Variants in NFATC2 observed in about 807,000 individuals in gnomAD.
The protein encoded by NFATC2 is nuclear factor of activated T-cells, cytoplasmic 2.
In NFATC2, 22 loss-of-function variants were observed where a neutral mutation model predicts 87.3. The ratio of observed to expected loss-of-function variants is 0.25; its 90% confidence interval spans 0.18 to 0.36. The LOEUF is 0.36. NFATC2 is among the 10% of genes least tolerant of loss of function. The pLI is 1.00. For synonymous variants in NFATC2, 565 were observed against 542.2 expected, an observed-to-expected ratio of 1.04 and a Z score of -0.58; for missense variants, 1,149 against 1,259.1, an observed-to-expected ratio of 0.91 and a Z score of 1.32.
intron 5 of NFATC2, among the ~76,000 whole-genome samples, chr20:51,467,863 A>G (rs766561336): frequency 1.3e-5 from 2 of 152,242 alleles, no homozygotes; most frequent in Non-Finnish European, 2.9e-5. Flanking sequence ...GGACTTGAGT[A>G]GGAATGTGCA....
chr20:51,542,753 G>GGAT, upstream of NFATC2: 1 of 567,128 alleles, frequency 1.8e-6, no homozygotes, highest in Non-Finnish European at 2.1e-6. Flanking sequence ...GGGAGGCGGG[G>GGAT]GGGGGGGGGG....
chr20:51,417,212 G>T (rs80061869), intron 9 of NFATC2, among the ~76,000 whole-genome samples: 13 of 152,178 alleles, frequency 8.5e-5, no homozygotes, highest in Non-Finnish European at 1.5e-4. Flanking sequence ...GCCCAGTAAG[G>T]GGGAGGGATC....
chr20:51,448,638 C>G (rs1222382099), intron 6 of NFATC2, among the ~76,000 whole-genome samples: 1 of 151,802 alleles, frequency 6.6e-6, no homozygotes, highest in Non-Finnish European at 1.5e-5. Flanking sequence ...GGCGACAGAG[C>G]AAAACTCCGT....
rs2076842163 is a variant in NFATC2, at chr20:51,542,716, T to C, written c.-217A>G. The C allele has an allele frequency of 1.0e-6, 1 of 962,080 alleles. No homozygotes were observed. The allele number at this position is 962,080 out of a possible 1,614,324, so 59.6% of individuals were successfully genotyped here. Reference sequence around the variant, plus strand: ...GGCGGCGACGGCGGCGCGAGCTTCCTGCTCCGGAGGCACCTGTTGCAGCCC... The same window carrying C: ...GGCGGCGACGGCGGCGCGAGCTTCCCGCTCCGGAGGCACCTGTTGCAGCCC... On this transcript the variant is annotated 5_prime_UTR_variant, in exon 1 of 11. Coordinates refer to ENST00000371564, the MANE Select transcript of NFATC2 (RefSeq NM_012340.5).
intron 3 of NFATC2, among the ~76,000 whole-genome samples, chr20:51,491,877 T>TACAC (rs33936990): frequency 0.039 from 2,221 of 57,156 alleles, 30 homozygotes; most frequent in East Asian, 0.075. Flanking sequence ...CACATACACA[T>TACAC]ACACACACAC....
intron 3 of NFATC2, 84 bp from the exon 4 acceptor site, chr20:51,475,744 G>A: frequency 5.3e-6 from 7 of 1,319,884 alleles, no homozygotes; most frequent in Non-Finnish European, 6.3e-6. Context: ...GAGAGCTCAT[G>A]GGCAGTAGAG....
chr20:51,484,266 C>T (rs1330634846), intron 3 of NFATC2, among the ~76,000 whole-genome samples: 1 of 152,102 alleles, frequency 6.6e-6, no homozygotes, highest in African/African-American at 2.4e-5. Context: ...TTCATTGGAA[C>T]CTGTCCTCAG....
chr20:51,545,658 G>C (rs745902490), upstream of NFATC2, among the ~76,000 whole-genome samples: 2 of 151,938 alleles, frequency 1.3e-5, no homozygotes, highest in African/African-American at 2.4e-5. Flanking sequence ...TGGGTGAATG[G>C]AAGATGGATG....
intron 9 of NFATC2, among the ~76,000 whole-genome samples, chr20:51,404,314 C>T (rs1988345548): frequency 6.6e-6 from 1 of 152,192 alleles, no homozygotes; most frequent in South Asian, 2.1e-4. Flanking sequence ...AAATCCTAAC[C>T]CTTTCTGTGC....
At position 51,432,643 on chromosome 20, in the gene NFATC2, C is replaced by A; in HGVS notation, c.2146G>T (p.Glu716Ter). The A allele has an allele frequency of 6.5e-7, 1 of 1,538,778 alleles. No homozygotes were observed. The highest frequency in any genetic ancestry group is 8.7e-7 in the Non-Finnish European group (1 of 1,146,650). Residue 716 changes from glutamate to a stop codon, truncating the protein, a stop_gained, in exon 9 of 11, where the codon GAG (glutamate) becomes TAG (stop). Coordinates refer to ENST00000371564, the MANE Select transcript of NFATC2 (RefSeq NM_012340.5). LOFTEE classifies it high-confidence loss of function. The surrounding 1 kb of genome is among the most constrained non-coding windows in gnomAD (Gnocchi z 4.6). Reference protein sequence around the residue: ...PYYPQHPMVAESPSCLVATMA... With the variant: ...PYYPQHPMVA ...GTGGCCACGAGGCAGGAGGGGGACT[C>A]GGCCACCATCGGGTGCTGGGGGTAG...
chr20:51,450,225 C>T (rs1324391536), intron 6 of NFATC2, among the ~76,000 whole-genome samples: 1 of 152,192 alleles, frequency 6.6e-6, no homozygotes, highest in South Asian at 2.1e-4. Flanking sequence ...GGGATTTGAA[C>T]CCAGGCCATC....
upstream of NFATC2, among the ~76,000 whole-genome samples, chr20:51,544,966 A>C (rs2076877537): frequency 6.6e-6 from 1 of 152,200 alleles, no homozygotes; most frequent in Non-Finnish European, 1.5e-5. Context: ...AACTATAAGC[A>C]CTTCTGTGCC....
rs1333851333 is a variant in NFATC2, at chr20:51,432,534, T to C, written c.2255A>G (p.Tyr752Cys). ...YQQQNPAAVLYQRSKSLSPSL... is the reference protein window; with the variant it reads ...YQQQNPAAVLCQRSKSLSPSL... The stretch of plus-strand genomic sequence containing the variant: ...GGGGCTCAGGCTCTTGCTCCGCTGG[T>C]AGAGTACGGCCGCTGGGTTCTGTTG... Residue 752 changes from tyrosine (Y) to cysteine (C), a missense_variant, in exon 9 of 11, where the codon TAC (tyrosine) becomes TGC (cysteine). Around this residue, in one of 3 missense-constraint regions of NFATC2, gnomAD observed 581 missense variants for 649.7 expected, o/e 0.89. Transcript: ENST00000371564. The surrounding 1 kb of genome is among the most constrained non-coding windows in gnomAD (Gnocchi z 4.6). 2 of 1,553,982 alleles carry C rather than the reference T, an allele frequency of 1.3e-6. No individual in the cohort carries two copies. Among genetic ancestry groups the C allele is most frequent in the East Asian group, 4.5e-5 (2 of 44,368 alleles).
In NFATC2 at chr20:51,509,941, T is replaced by C. The variant is rs372034151; in HGVS notation, c.1332+6843A>G. Among the ~76,000 whole-genome samples, 42 of 152,366 alleles carry C rather than the reference T, an allele frequency of 2.8e-4. 1 individual carries two copies. In the East Asian group the frequency reaches 3.3e-3, roughly 12 times the overall value. On this transcript the variant is annotated intron_variant, in intron 3 of 10. Transcript: ENST00000371564. ...CTCACCTCCCTGCAAAGCTCATTAC[T>C]GTTACCGGGAATGAAATGGCCATCG...
chr20:51,508,132 T>C (rs4811184), intron 3 of NFATC2, among the ~76,000 whole-genome samples: 33,169 of 152,176 alleles, frequency 0.22, 3,799 homozygotes, highest in Admixed American at 0.3. Flanking sequence ...TCTGCCTATG[T>C]CTGGGGACAA....
At chr20:51,504,624 A>G (rs1241827612) in intron 3 of NFATC2, among the ~76,000 whole-genome samples, 1 of 152,216 alleles carries the variant, frequency 6.6e-6, no homozygotes, top group Non-Finnish European at 1.5e-5. Context: ...AATGATTTCC[A>G]TTTCTTCTTT....
At chr20:51,400,427 C>T (rs1159044770) in intron 9 of NFATC2, among the ~76,000 whole-genome samples, 2 of 149,410 alleles carry the variant, frequency 1.3e-5, no homozygotes, top group Non-Finnish European at 3.0e-5. Flanking sequence ...CTCTCCAAAC[C>T]TTCAAACACC....
intron 1 of NFATC2, among the ~76,000 whole-genome samples, chr20:51,539,186 T>C (rs917518918): frequency 1.3e-5 from 2 of 152,152 alleles, no homozygotes; most frequent in Non-Finnish European, 2.9e-5. Flanking sequence ...ATTCCCTAAT[T>C]TACCTTCACC....
Position 51,435,329 on chromosome 20 carries a change from T to A in NFATC2, c.1906-15A>T. 6.2e-7 allele frequency: 1 copy of A among 1,613,864 alleles called. No homozygotes were observed. Among genetic ancestry groups the A allele is most frequent in the South Asian group, 1.1e-5 (1 of 91,070 alleles). On this transcript the variant is annotated splice_polypyrimidine_tract_variant and intron_variant, in intron 7 of 10. Coordinates refer to ENST00000371564, the MANE Select transcript of NFATC2 (RefSeq NM_012340.5). ...AAAAGCATGTTCTATAAGGAAGGAG[T>A]TGTCATGAACTTAACTGCAATCATG... is the stretch of plus-strand genomic sequence containing the variant.
Sources: gnomAD v4.1 joint callset for allele counts (sites outside exome capture counted in the v4.1 genomes callset) on GRCh38, gnomAD v4.1.1 for gene constraint, gnomAD v4.1.1 regional missense constraint, Gnocchi (gnomAD v3.1) non-coding constraint, MANE v1.5 for transcripts, NCBI Gene and HGNC (gene_info 2026-07-23, HGNC 2026-07-21) for gene names.